DNAJC8: variants seen among roughly 807,000 people sequenced by gnomAD.
DNAJC8 encodes the protein DnaJ heat shock protein family (Hsp40) member C8.
DNAJC8 carries 24 observed loss-of-function variants against 43.2 expected under a neutral mutation model. The observed-to-expected ratio is 0.56, with a 90% CI of 0.40 to 0.78. The LOEUF (loss-of-function observed/expected upper bound fraction) is 0.78, where lower values mean the gene tolerates loss of function less well. Among genes scored for constraint, DNAJC8 ranks in the 30% least tolerant of loss-of-function variants. DNAJC8 has a pLI of 0.00. For missense variants in DNAJC8, 207 were observed against 299.4 expected (o/e 0.69, Z 2.28); for synonymous variants, 83 against 98.0 (o/e 0.85, Z 0.90).
At chr1:28,220,442 C>G (rs140652984) in intron 2 of DNAJC8, among the ~76,000 whole-genome samples, 2 of 152,230 alleles carry the variant, frequency 1.3e-5, no homozygotes, top group African/African-American at 4.8e-5. Flanking sequence ...GAATCCCATA[C>G]AGTGGGCACT....
chr1:28,214,013 C>T (rs1410004657), intron 3 of DNAJC8, among the ~76,000 whole-genome samples: 1 of 151,696 alleles, frequency 6.6e-6, no homozygotes, highest in East Asian at 1.9e-4. Flanking sequence ...GAGACCCTGT[C>T]TCAAAAAATA....
At chr1:28,207,068 GA>G (rs5773213) in intron 6 of DNAJC8, among the ~76,000 whole-genome samples, 62,088 of 147,694 alleles carry the variant, frequency 0.42, 14,220 homozygotes, top group African/African-American at 0.62. Flanking sequence ...TTATAATCAG[GA>G]AAAAAAAAAA....
chr1:28,201,942 A>G (rs1646736482), intron 8 of DNAJC8, among the ~76,000 whole-genome samples: 1 of 149,504 alleles, frequency 6.7e-6, no homozygotes, highest in Non-Finnish European at 1.5e-5. Context: ...ATAAAAAGTT[A>G]GCCGGGCATG....
At chr1:28,212,168 A>AAAATATATATAT (rs1646815610) in intron 3 of DNAJC8, among the ~76,000 whole-genome samples, 1 of 31,022 alleles carries the variant, frequency 3.2e-5, no homozygotes, top group Non-Finnish European at 7.0e-5. Flanking sequence ...TAAATAAATA[A>AAAATATATATAT]ATATATATAT....
chr1:28,232,667 C>G (rs1251950060), intron 1 of DNAJC8, among the ~76,000 whole-genome samples: 1 of 152,194 alleles, frequency 6.6e-6, no homozygotes, highest in Non-Finnish European at 1.5e-5. Flanking sequence ...TCTGCCCGCG[C>G]GCCCGCACTA....
intron 1 of DNAJC8, among the ~76,000 whole-genome samples, chr1:28,231,609 G>A (rs1289732383): frequency 3.3e-5 from 5 of 151,864 alleles, no homozygotes; most frequent in African/African-American, 1.2e-4. Flanking sequence ...CAGCTACTCG[G>A]GAGGCTGAGG....
In DNAJC8 at chr1:28,207,080, C is replaced by G. The variant is rs191130398; in HGVS notation, c.471+1262G>C. Among the ~76,000 whole-genome samples, 1,002 of 148,256 alleles carry G rather than the reference C, an allele frequency of 6.8e-3. 13 individuals are homozygous for G. Among genetic ancestry groups the G allele is most frequent in the African/African-American group, 0.024 (951 of 40,136 alleles). On this transcript the variant is annotated intron_variant, in intron 6 of 8. Coordinates refer to ENST00000263697, the MANE Select transcript of DNAJC8 (RefSeq NM_014280.3). Reference sequence around the variant, plus strand: ...CTTTTATAATCAGGAAAAAAAAAAACAACTGAAAAAAATTGGGCCAGGTGC... The same window carrying G: ...CTTTTATAATCAGGAAAAAAAAAAAGAACTGAAAAAAATTGGGCCAGGTGC...
chr1:28,217,789 T>C (rs1209999677), intron 2 of DNAJC8, among the ~76,000 whole-genome samples: 2 of 152,046 alleles, frequency 1.3e-5, no homozygotes, highest in South Asian at 2.1e-4. Flanking sequence ...CAACTAATCA[T>C]GCCAAATGTA....
intron 2 of DNAJC8, among the ~76,000 whole-genome samples, chr1:28,215,641 G>A (rs1354505637): frequency 6.6e-6 from 1 of 151,640 alleles, no homozygotes. Flanking sequence ...CGGTTCAAGC[G>A]ATTTTCCTGC....
At chr1:28,225,027 TAGAG>T (rs1271729365) in intron 2 of DNAJC8, among the ~76,000 whole-genome samples, 1 of 150,988 alleles carries the variant, frequency 6.6e-6, no homozygotes, top group Admixed American at 6.6e-5. Flanking sequence ...AGCGGAGTGA[TAGAG>T]AGGCCCTGAA....
At chr1:28,202,588 C>CTTTT (rs369024181) in intron 8 of DNAJC8, among the ~76,000 whole-genome samples, 2 of 89,652 alleles carry the variant, frequency 2.2e-5, no homozygotes, top group African/African-American at 4.6e-5. Context: ...CTTTTTTTTT[C>CTTTT]TTTTTTTTTT....
intron 2 of DNAJC8, among the ~76,000 whole-genome samples, chr1:28,218,715 G>A (rs1012935107): frequency 1.1e-4 from 17 of 151,694 alleles, no homozygotes; most frequent in Non-Finnish European, 2.2e-4. Context: ...AGACAGGCCT[G>A]GCCAACATGG....
At chr1:28,210,130 A>G in intron 4 of DNAJC8, 64 bp from the exon 5 acceptor site, 1 of 1,423,144 alleles carries the variant, frequency 7.0e-7, no homozygotes, top group Non-Finnish European at 9.9e-7. Context: ...AACTATACTC[A>G]GGCAGTGTAA....
chr1:28,232,676 T>G (rs913741046), intron 1 of DNAJC8, among the ~76,000 whole-genome samples: 2 of 152,134 alleles, frequency 1.3e-5, no homozygotes, highest in African/African-American at 4.8e-5. Context: ...GCGCCCGCAC[T>G]ATGTTGGACA....
chr1:28,215,061 G>C lies in DNAJC8; in HGVS notation c.181-65C>G. On this transcript the variant is annotated intron_variant, in intron 2 of 8. Transcript: ENST00000263697. ...TAAATTACATGTATATTTAAGAGTT[G>C]CTCAGTAATTATATATATTATAATC... 4.5e-6 allele frequency: 6 copies of C among 1,347,380 alleles called. No individual in the cohort carries two copies. In the South Asian group the frequency reaches 6.5e-5, roughly 15 times the overall value. The allele number at this position is 1,347,380 out of a possible 1,614,324, so 83.5% of individuals were successfully genotyped here.
intron 2 of DNAJC8, among the ~76,000 whole-genome samples, chr1:28,218,803 T>C (rs12096842): frequency 0.41 from 62,815 of 151,724 alleles, 14,492 homozygotes; most frequent in African/African-American, 0.61. Flanking sequence ...CATGTCAGTG[T>C]GCCCCACTCT....
chr1:28,202,090 C>CA (rs1053828127), intron 8 of DNAJC8, among the ~76,000 whole-genome samples: 10 of 150,224 alleles, frequency 6.7e-5, no homozygotes, highest in African/African-American at 2.0e-4. Context: ...AACTCCGTCT[C>CA]AAAAAAAAAG....
intron 2 of DNAJC8, among the ~76,000 whole-genome samples, chr1:28,223,800 T>C (rs551731505): frequency 1.3e-4 from 20 of 151,166 alleles, no homozygotes; most frequent in Non-Finnish European, 2.5e-4. Flanking sequence ...TCCTGTGGGG[T>C]TGGACTGAAA....
chr1:28,222,794 GAGA>G (rs1646907764), intron 2 of DNAJC8, among the ~76,000 whole-genome samples: 1 of 152,068 alleles, frequency 6.6e-6, no homozygotes, highest in Admixed American at 6.6e-5. Context: ...GGCATCCACA[GAGA>G]AGGACAGCCT....
Sources: allele counts gnomAD v4.1 joint callset (sites outside exome capture counted in the v4.1 genomes callset), GRCh38; gene constraint gnomAD v4.1.1; transcripts MANE v1.5; gene names NCBI Gene and HGNC (gene_info 2026-07-23, HGNC 2026-07-21).